The following MYO16 variants were observed in gnomAD, a reference collection of about 807,000 sequenced individuals.
MYO16 encodes myosin XVI.
A neutral mutation model predicts 205.3 loss-of-function variants in MYO16; 94 were observed. The observed-to-expected ratio is 0.46, with a 90% CI of 0.39 to 0.54. The LOEUF is 0.54. MYO16 is among the 20% of genes least tolerant of loss of function. MYO16 has a pLI of 0.00. For synonymous variants in MYO16, 988 were observed against 954.0 expected, an observed-to-expected ratio of 1.04 and a Z score of -0.66; for missense variants, 2,315 against 2,387.5, an observed-to-expected ratio of 0.97 and a Z score of 0.63.
intron 32 of MYO16, among the ~76,000 whole-genome samples, chr13:109,142,498 A>G (rs914599072): frequency 5.9e-5 from 9 of 152,064 alleles, no homozygotes; most frequent in Non-Finnish European, 1.3e-4. Flanking sequence ...ATAATTTTCC[A>G]TGCCTAAGTA....
At chr13:108,734,770 T>C (rs1026416618) in intron 4 of MYO16, among the ~76,000 whole-genome samples, 5 of 152,226 alleles carry the variant, frequency 3.3e-5, no homozygotes, top group Middle Eastern at 3.2e-3. Context: ...CAATTGCTTT[T>C]GCTATCAAGC....
At chr13:108,495,836 C>T in the MYO16 span, among the ~76,000 whole-genome samples, 1 of 151,740 alleles carries the variant, frequency 6.6e-6, no homozygotes, top group African/African-American at 2.4e-5. Flanking sequence ...CGACCCCTCT[C>T]ACCCGCCGCG....
At chr13:108,805,220 C>G (rs1441429762) in intron 6 of MYO16, among the ~76,000 whole-genome samples, 1 of 152,044 alleles carries the variant, frequency 6.6e-6, no homozygotes, top group Middle Eastern at 3.2e-3. Flanking sequence ...ATTTTGGGGA[C>G]TGTTTCCTAG....
intron 1 of MYO16, among the ~76,000 whole-genome samples, chr13:108,648,947 T>G (rs1880875639): frequency 6.6e-6 from 1 of 151,990 alleles, no homozygotes; most frequent in African/African-American, 2.4e-5. Flanking sequence ...TCTCTTTTTC[T>G]GTCTCAGAAG....
At chr13:108,701,517 C>A (rs368327019) in intron 2 of MYO16, among the ~76,000 whole-genome samples, 4 of 152,088 alleles carry the variant, frequency 2.6e-5, no homozygotes, top group African/African-American at 9.6e-5. Context: ...ATATGCTGGC[C>A]CCTTGATTTT....
chr13:109,153,099 G>A (rs374247606), intron 32 of MYO16, among the ~76,000 whole-genome samples: 13 of 152,204 alleles, frequency 8.5e-5, no homozygotes, highest in African/African-American at 2.6e-4. Context: ...CATGACGCTC[G>A]TTCAACACTG....
At chr13:109,027,418 C>T (rs1331990506) in intron 23 of MYO16, among the ~76,000 whole-genome samples, 1 of 152,206 alleles carries the variant, frequency 6.6e-6, no homozygotes, top group Non-Finnish European at 1.5e-5. Context: ...CTAGCAGTGA[C>T]AACACTGTGT....
At chr13:108,755,787 C>T (rs188289193) in intron 4 of MYO16, among the ~76,000 whole-genome samples, 44 of 152,210 alleles carry the variant, frequency 2.9e-4, no homozygotes, top group African/African-American at 8.4e-4. Context: ...GCTAATGACA[C>T]GTCAGTGCAC....
the MYO16 span, among the ~76,000 whole-genome samples, chr13:108,530,613 T>C: frequency 6.6e-6 from 1 of 152,240 alleles, no homozygotes; most frequent in Non-Finnish European, 1.5e-5. Flanking sequence ...AGACAGAATA[T>C]GTCTGTTTTG....
the MYO16 span, among the ~76,000 whole-genome samples, chr13:108,561,551 A>G: frequency 1.3e-5 from 2 of 152,234 alleles, no homozygotes; most frequent in African/African-American, 2.4e-5. Flanking sequence ...AACTGAGGTT[A>G]GGTATTATAA....
chr13:109,163,462 TCC>T (rs1878486735), intron 32 of MYO16, among the ~76,000 whole-genome samples: 1 of 148,324 alleles, frequency 6.7e-6, no homozygotes, highest in Non-Finnish European at 1.5e-5. Context: ...TTCCCTTCCT[TCC>T]TTCCTTCCTT....
chr13:109,025,851 A>T (rs923953231), intron 23 of MYO16, among the ~76,000 whole-genome samples: 3 of 152,214 alleles, frequency 2.0e-5, no homozygotes, highest in African/African-American at 7.2e-5. Context: ...TAGTAAAACA[A>T]CATTAAGTAA....
chr13:108,505,379 A>AGGGG, the MYO16 span, among the ~76,000 whole-genome samples: 8 of 152,122 alleles, frequency 5.3e-5, no homozygotes, highest in African/African-American at 1.9e-4. Flanking sequence ...AACAAGTGTA[A>AGGGG]GGTCATATGT....
At chr13:108,968,685 A>T (rs1883894001) in intron 20 of MYO16, among the ~76,000 whole-genome samples, 1 of 152,146 alleles carries the variant, frequency 6.6e-6, no homozygotes, top group Admixed American at 6.5e-5. Context: ...CAATTTGATG[A>T]GTGACACAGC....
the MYO16 span, among the ~76,000 whole-genome samples, chr13:108,516,337 C>T: frequency 0.33 from 50,537 of 151,166 alleles, 9,082 homozygotes; most frequent in East Asian, 0.55. Context: ...CTTCGGCTCG[C>T]GCACGGTGCG....
chr13:109,005,770 G>A (rs1269135078), intron 21 of MYO16, among the ~76,000 whole-genome samples: 1 of 152,048 alleles, frequency 6.6e-6, no homozygotes. Flanking sequence ...CCAGTCCCAC[G>A]CCACACTCCC....
chr13:109,009,068 T>G lies in MYO16; in HGVS notation c.2595+19T>G. The stretch of plus-strand genomic sequence containing the variant: ...TTTCCAGGTATTCATATAATATAAT[T>G]AGATACTTAACAGGATATATGGGTT... On this transcript the variant is annotated intron_variant, in intron 22 of 34. Transcript: ENST00000457511. 3.2e-6 allele frequency: 5 copies of G among 1,556,604 alleles called. No individual in the cohort carries two copies. In the South Asian group the frequency reaches 4.9e-5, roughly 15 times the overall value.
chr13:108,655,916 A>G (rs1160258804), intron 1 of MYO16, among the ~76,000 whole-genome samples: 4 of 152,144 alleles, frequency 2.6e-5, no homozygotes, highest in Admixed American at 2.6e-4. Context: ...CTAGCATTGT[A>G]TCTAGGAAGT....
intron 16 of MYO16, among the ~76,000 whole-genome samples, chr13:108,922,196 A>G (rs78700713): frequency 0.026 from 3,906 of 152,220 alleles, 232 homozygotes; most frequent in East Asian, 0.17. Flanking sequence ...TTTAAAACCT[A>G]ATGATGAAAA....
Sources: gnomAD v4.1 joint callset for allele counts (sites outside exome capture counted in the v4.1 genomes callset) on GRCh38, gnomAD v4.1.1 for gene constraint, MANE v1.5 for transcripts, NCBI Gene and HGNC (gene_info 2026-07-23, HGNC 2026-07-21) for gene names.